The following MEOX2 variants were observed in gnomAD, a reference collection of about 807,000 sequenced individuals.
MEOX2 encodes the protein homeobox protein MOX-2.
MEOX2 carries 11 observed loss-of-function variants against 27.0 expected under a neutral mutation model. The ratio of observed to expected loss-of-function variants is 0.41; its 90% CI spans 0.26 to 0.68. MEOX2 has a LOEUF of 0.68. Among genes scored for constraint, MEOX2 ranks in the 30% least tolerant of loss-of-function variants. MEOX2 has a pLI of 0.33. For synonymous variants in MEOX2, 189 were observed against 155.4 expected, an observed-to-expected ratio of 1.22 and a Z score of -1.61; for missense variants, 436 against 385.4, an observed-to-expected ratio of 1.13 and a Z score of -1.10.
intron 1 of MEOX2, among the ~76,000 whole-genome samples, chr7:15,677,838 A>G (rs1291158566): frequency 2.0e-5 from 3 of 152,236 alleles, no homozygotes; most frequent in Non-Finnish European, 4.4e-5. Context: ...ATGATAATTA[A>G]GAAATAGGAT....
intron 1 of MEOX2, among the ~76,000 whole-genome samples, chr7:15,647,591 G>A (rs986400051): frequency 3.3e-5 from 5 of 152,034 alleles, no homozygotes; most frequent in Non-Finnish European, 7.4e-5. Context: ...AAGACAGGAA[G>A]CTCAATTTTA....
At chr7:15,655,091 T>C (rs1465558444) in intron 1 of MEOX2, among the ~76,000 whole-genome samples, 1 of 151,666 alleles carries the variant, frequency 6.6e-6, no homozygotes, top group African/African-American at 2.4e-5. Flanking sequence ...ATTTTTTTCA[T>C]ATTGGGTGAA....
At chr7:15,671,032 A>AC in intron 1 of MEOX2, among the ~76,000 whole-genome samples, 1 of 152,286 alleles carries the variant, frequency 6.6e-6, no homozygotes, top group East Asian at 1.9e-4. Context: ...AATAAATAAG[A>AC]TTTGCCATGT....
At chr7:15,640,849 C>A (rs151081252) in intron 1 of MEOX2, among the ~76,000 whole-genome samples, 124 of 152,248 alleles carry the variant, frequency 8.1e-4, no homozygotes, top group Admixed American at 2.6e-3. Context: ...GTATGTTGAA[C>A]TATCCTTGCT....
intron 1 of MEOX2, among the ~76,000 whole-genome samples, chr7:15,662,301 T>C (rs1347832679): frequency 1.3e-5 from 2 of 152,048 alleles, no homozygotes; most frequent in African/African-American, 4.8e-5. Flanking sequence ...TTTAGGGATG[T>C]GTATTAGTTA....
intron 1 of MEOX2, chr7:15,681,383 A>G (rs1782289506): frequency 6.6e-6 from 1 of 151,760 alleles, no homozygotes. Context: ...GCAAGGCAGC[A>G]TTATCAGGCT....
rs1244654566 is a variant in MEOX2, at chr7:15,686,336, A to G, written c.67T>C (p.Ser23Pro). Residue 23 changes from serine (S) to proline (P), a missense_variant, in exon 1 of 3, where the codon TCC becomes CCC. Ser to Pro is a moderately conservative substitution (Grantham distance 74). Coordinates refer to ENST00000262041, the MANE Select transcript of MEOX2 (RefSeq NM_005924.5). ...HATAQGLHPF[S>P]QSSLALHGRS... ...CCATGGAGGGCGAGAGAGGATTGGGAGAACGGGTGCAAGCCTTGCGCCGTG... is the reference window on the plus strand; with the variant it reads ...CCATGGAGGGCGAGAGAGGATTGGGGGAACGGGTGCAAGCCTTGCGCCGTG... 1 of 1,602,008 alleles carries G rather than the reference A, an allele frequency of 6.2e-7. No individual in the cohort carries two copies. Among genetic ancestry groups the G allele is most frequent in the African/African-American group, 1.3e-5 (1 of 74,648 alleles).
chr7:15,685,836 C>G (rs1209160439), intron 1 of MEOX2, 50 bp downstream of exon 1: 1 of 1,539,432 alleles, frequency 6.5e-7, no homozygotes, highest in East Asian at 2.3e-5. Context: ...ATCTCTCCGC[C>G]CCTTTTCCAG....
chr7:15,660,649 T>C (rs149936530), intron 1 of MEOX2, among the ~76,000 whole-genome samples: 2 of 152,184 alleles, frequency 1.3e-5, no homozygotes, highest in Non-Finnish European at 2.9e-5. Flanking sequence ...TGAGAACCAC[T>C]GATCCCATAT....
chr7:15,645,188 C>T (rs1781622028), intron 1 of MEOX2, among the ~76,000 whole-genome samples: 1 of 152,168 alleles, frequency 6.6e-6, no homozygotes, highest in Non-Finnish European at 1.5e-5. Flanking sequence ...TCATTAATAA[C>T]CTTTCTTGTA....
chr7:15,652,808 C>T (rs141312006), intron 1 of MEOX2, among the ~76,000 whole-genome samples: 3 of 151,978 alleles, frequency 2.0e-5, no homozygotes, highest in Non-Finnish European at 4.4e-5. Flanking sequence ...ACATCAACAG[C>T]TCCCTCCTCT....
At chr7:15,651,678 T>C (rs1781733918) in intron 1 of MEOX2, among the ~76,000 whole-genome samples, 1 of 151,974 alleles carries the variant, frequency 6.6e-6, no homozygotes, top group African/African-American at 2.4e-5. Flanking sequence ...TGCACTAGAC[T>C]CTGTACTCTT....
chr7:15,648,622 G>A (rs73058598), intron 1 of MEOX2, among the ~76,000 whole-genome samples: 2 of 152,116 alleles, frequency 1.3e-5, no homozygotes, highest in Non-Finnish European at 2.9e-5. Context: ...GGAAAAATAC[G>A]GACCTGAGAC....
chr7:15,680,739 T>C (rs967922626), intron 1 of MEOX2: 4 of 151,984 alleles, frequency 2.6e-5, no homozygotes, highest in African/African-American at 9.6e-5. Context: ...ACATGATATG[T>C]AGAAACAAAT....
In MEOX2 at chr7:15,655,241, C is replaced by G. The variant is rs1048401634; in HGVS notation, c.518-28323G>C. On this transcript the variant is annotated intron_variant, in intron 1 of 2. Coordinates refer to ENST00000262041, the MANE Select transcript of MEOX2 (RefSeq NM_005924.5). ...TGTAGCAATATCTCTTATATAATAA[C>G]TAATGCTGGCATTTTTGTGGCTTCT... 2.6e-5 allele frequency among the ~76,000 whole-genome samples: 4 copies of G among 151,700 alleles called. No individual in the cohort carries two copies. In the South Asian group the frequency reaches 6.2e-4, roughly 24 times the overall value.
intron 2 of MEOX2, among the ~76,000 whole-genome samples, chr7:15,620,191 C>T (rs1224636010): frequency 1.3e-5 from 2 of 152,060 alleles, no homozygotes; most frequent in Non-Finnish European, 1.5e-5. Flanking sequence ...TAATAATTGT[C>T]ATATCATGAG....
At chr7:15,625,327 T>C (rs183706266) in intron 2 of MEOX2, among the ~76,000 whole-genome samples, 2 of 152,254 alleles carry the variant, frequency 1.3e-5, no homozygotes, top group Admixed American at 1.3e-4. Context: ...GTTGAACCCA[T>C]AGAGGGAATT....
intron 1 of MEOX2, among the ~76,000 whole-genome samples, chr7:15,638,491 T>A (rs935094009): frequency 1.3e-5 from 2 of 151,758 alleles, no homozygotes; most frequent in Non-Finnish European, 2.9e-5. Flanking sequence ...AAAACATTTC[T>A]AGATCTTCTT....
At position 15,640,215 on chromosome 7, in the gene MEOX2, G is replaced by GTTT. The variant is rs571152969; in HGVS notation, c.518-13300_518-13298dup. Among the ~76,000 whole-genome samples the GTTT allele has an allele frequency of 4.8e-3, 722 of 151,386 alleles. 5 individuals are homozygous for GTTT. Among genetic ancestry groups the GTTT allele is most frequent in the Non-Finnish European group, 7.6e-3 (513 of 67,802 alleles). On this transcript the variant is annotated intron_variant, in intron 1 of 2. Coordinates refer to ENST00000262041, the MANE Select transcript of MEOX2 (RefSeq NM_005924.5). ...ACCTCCTTAGTTAGGTCTGTTCTAG[G>GTTT]TTTGTTGTTGTTGCTGTTTGGGGGT...
Sources: gnomAD v4.1 joint callset for allele counts (sites outside exome capture counted in the v4.1 genomes callset) on GRCh38, gnomAD v4.1.1 for gene constraint, MANE v1.5 for transcripts, NCBI Gene and HGNC (gene_info 2026-07-23, HGNC 2026-07-21) for gene names.